The following DPYSL5 variants were observed in gnomAD, a reference collection of about 807,000 sequenced individuals.
The protein encoded by DPYSL5 is dihydropyrimidinase like 5.
Under a neutral mutation model 58.4 loss-of-function variants are expected in DPYSL5, and 9 were observed. The ratio of observed to expected loss-of-function variants is 0.15; its 90% CI spans 0.09 to 0.27. DPYSL5 has a LOEUF of 0.27. Among genes scored for constraint, DPYSL5 ranks in the 10% least tolerant of loss-of-function variants. DPYSL5 has a pLI of 1.00. For missense variants in DPYSL5, 499 were observed against 770.6 expected (o/e 0.65, Z 4.17); for synonymous variants, 293 against 301.9 (o/e 0.97, Z 0.31).
At chr2:26,876,289 C>T (rs1446347857) in intron 1 of DPYSL5, among the ~76,000 whole-genome samples, 1 of 152,168 alleles carries the variant, frequency 6.6e-6, no homozygotes, top group African/African-American at 2.4e-5. Flanking sequence ...GAGGTAGCCC[C>T]ATCACTTGCA....
At chr2:26,887,308 C>T (rs1663744486) in intron 1 of DPYSL5, among the ~76,000 whole-genome samples, 1 of 152,214 alleles carries the variant, frequency 6.6e-6, no homozygotes, top group Non-Finnish European at 1.5e-5. Context: ...AAGGGTCCCC[C>T]TTGCACCATC....
Position 26,942,203 on chromosome 2 carries a change from T to A in DPYSL5, c.1232+111T>A. 1 of 1,489,054 alleles carries A rather than the reference T, an allele frequency of 6.7e-7. No homozygotes were observed. Among genetic ancestry groups the A allele is most frequent in the African/African-American group, 1.4e-5 (1 of 71,346 alleles). The allele number at this position is 1,489,054 out of a possible 1,614,324, so 92.2% of individuals were successfully genotyped here. A position where few individuals can be genotyped will look rare whatever the true frequency, so the allele number is the denominator to read the frequency against. On this transcript the variant is annotated intron_variant, in intron 10 of 12. Coordinates refer to ENST00000288699, the MANE Select transcript of DPYSL5 (RefSeq NM_020134.4). This position sits in a 1 kb window ranked among gnomAD's most constrained non-coding sequence, Gnocchi z 5.9. ...TTTGCACTATTTCTAGCACAAAATA[T>A]GGCCCTGGCCTACCGTTGGCCATCT...
chr2:26,884,757 G>A (rs1663670546), intron 1 of DPYSL5, among the ~76,000 whole-genome samples: 1 of 152,164 alleles, frequency 6.6e-6, no homozygotes, highest in African/African-American at 2.4e-5. Context: ...ATGAACTCAT[G>A]GGATTAAAAC....
chr2:26,865,312 CTTTTTTTTTTT>C (rs1192892146), intron 1 of DPYSL5, among the ~76,000 whole-genome samples: 19 of 89,572 alleles, frequency 2.1e-4, no homozygotes, highest in African/African-American at 7.3e-4. Flanking sequence ...GTTTTGTGTT[CTTTTTTTTTTT>C]TTTTTTTTTT....
At position 26,933,574 on chromosome 2, in the gene DPYSL5, G is replaced by A. The variant is rs938442382; in HGVS notation, c.790+241G>A. 6.6e-6 allele frequency among the ~76,000 whole-genome samples: 1 copy of A among 152,226 alleles called. No individual in the cohort carries two copies. Among genetic ancestry groups the A allele is most frequent in the Non-Finnish European group, 1.5e-5 (1 of 68,050 alleles). On this transcript the variant is annotated intron_variant, in intron 7 of 12. Transcript: ENST00000288699. The surrounding 1 kb of genome is among the most constrained non-coding windows in gnomAD (Gnocchi z 4.2). ...GCATAACAGCTTTACGGAAGTGTCT[G>A]TCACTTCTCCTGGGTCTGGTAACAT...
chr2:26,911,008 T>C (rs927947360), intron 2 of DPYSL5, among the ~76,000 whole-genome samples: 5 of 152,094 alleles, frequency 3.3e-5, no homozygotes, highest in African/African-American at 1.2e-4. Context: ...TTTGTAATTT[T>C]AGCTTTTACA....
intron 9 of DPYSL5, among the ~76,000 whole-genome samples, chr2:26,940,950 TG>T (rs1255347872): frequency 0.044 from 5,731 of 130,726 alleles, 191 homozygotes; most frequent in African/African-American, 0.074. Context: ...TATTTTTTTT[TG>T]TGTGTGATAG....
chr2:26,928,685 G>C (rs1319075439), intron 5 of DPYSL5, among the ~76,000 whole-genome samples: 2 of 12,052 alleles, frequency 1.7e-4, no homozygotes, highest in Non-Finnish European at 2.0e-4. Flanking sequence ...CAAGGTGATA[G>C]AGTATATATA....
At chr2:26,876,390 C>T (rs368141158) in intron 1 of DPYSL5, among the ~76,000 whole-genome samples, 5 of 152,032 alleles carry the variant, frequency 3.3e-5, no homozygotes, top group South Asian at 2.1e-4. Context: ...CACTGGAGGA[C>T]GAACCTGGTG....
chr2:26,908,831 C>T (rs1259488935), intron 2 of DPYSL5, among the ~76,000 whole-genome samples: 1 of 152,202 alleles, frequency 6.6e-6, no homozygotes, highest in Non-Finnish European at 1.5e-5. Flanking sequence ...TGTATGTGCA[C>T]TTCAATGATA....
intron 1 of DPYSL5, among the ~76,000 whole-genome samples, chr2:26,875,223 G>A (rs1663380204): frequency 1.3e-5 from 2 of 152,208 alleles, no homozygotes; most frequent in Non-Finnish European, 2.9e-5. Flanking sequence ...GTGGTGAAGG[G>A]ACAGCTCATC....
rs1035673872 is a variant in DPYSL5 at position 26,905,646 on chromosome 2, C to G, written c.261+6886C>G. Among the ~76,000 whole-genome samples, 1 of 152,184 alleles carries G rather than the reference C, an allele frequency of 6.6e-6. No individual in the cohort carries two copies. Among genetic ancestry groups the G allele is most frequent in the Non-Finnish European group, 1.5e-5 (1 of 68,042 alleles). The stretch of plus-strand genomic sequence containing the variant: ...ATAGCTGGGCTCCTCTCTCCACTTT[C>G]TTCTGTGACTCACCTGTAGGCTGTA... On this transcript the variant is annotated intron_variant, in intron 2 of 12. Coordinates refer to ENST00000288699, the MANE Select transcript of DPYSL5 (RefSeq NM_020134.4). This position sits in a 1 kb window ranked among gnomAD's most constrained non-coding sequence, Gnocchi z 4.0.
chr2:26,859,550 A>G (rs1038345879), intron 1 of DPYSL5, among the ~76,000 whole-genome samples: 5 of 152,222 alleles, frequency 3.3e-5, no homozygotes, highest in Non-Finnish European at 7.3e-5. Flanking sequence ...TTTGTGTGAA[A>G]GTAGGAATAA....
intron 2 of DPYSL5, among the ~76,000 whole-genome samples, chr2:26,908,374 A>T (rs1664352313): frequency 6.6e-6 from 1 of 152,244 alleles, no homozygotes; most frequent in African/African-American, 2.4e-5. Context: ...AGGCAGAAAT[A>T]GCCAGCAATA....
At position 26,907,260 on chromosome 2, in the gene DPYSL5, G is replaced by A. The variant is rs186928048; in HGVS notation, c.261+8500G>A. On this transcript the variant is annotated intron_variant, in intron 2 of 12. Transcript: ENST00000288699. ...CTCCCAAGTAACTGGGAATACAGGC[G>A]CCCGCCACCATGCCCAGCTAATTTT... Among the ~76,000 whole-genome samples the A allele has an allele frequency of 6.6e-5, 10 of 151,802 alleles. No homozygotes were observed. In the East Asian group the frequency reaches 7.8e-4, roughly 12 times the overall value.
intron 1 of DPYSL5, among the ~76,000 whole-genome samples, chr2:26,850,343 G>A (rs1665719977): frequency 6.6e-6 from 1 of 152,122 alleles, no homozygotes; most frequent in Admixed American, 6.5e-5. Flanking sequence ...GCTTAAAACA[G>A]GCTTTCAGCA....
intron 1 of DPYSL5, among the ~76,000 whole-genome samples, chr2:26,873,040 C>T (rs1157099572): frequency 6.6e-6 from 1 of 152,166 alleles, no homozygotes. Flanking sequence ...AAGGGTTTCC[C>T]TTTCCTAAAC....
At chr2:26,893,970 A>T (rs566451570) in intron 1 of DPYSL5, among the ~76,000 whole-genome samples, 5 of 151,882 alleles carry the variant, frequency 3.3e-5, no homozygotes, top group Non-Finnish European at 5.9e-5. Flanking sequence ...TTCTGTTCAG[A>T]TATCTAAGGG....
chr2:26,859,892 T>C (rs1383735680), intron 1 of DPYSL5, among the ~76,000 whole-genome samples: 4 of 152,222 alleles, frequency 2.6e-5, no homozygotes, highest in African/African-American at 9.6e-5. Flanking sequence ...TTGTTTGAGA[T>C]GGGCTTGAAC....
Sources: gnomAD v4.1 joint callset for allele counts (sites outside exome capture counted in the v4.1 genomes callset) on GRCh38, gnomAD v4.1.1 for gene constraint, Gnocchi (gnomAD v3.1) non-coding constraint, MANE v1.5 for transcripts, NCBI Gene and HGNC (gene_info 2026-07-23, HGNC 2026-07-21) for gene names.